USP46: variants seen among roughly 807,000 people sequenced by gnomAD.
USP46 encodes ubiquitin carboxyl-terminal hydrolase 46.
In USP46, 12 loss-of-function variants were observed where a neutral mutation model predicts 44.4. That is an observed-to-expected ratio of 0.27 (90% CI 0.17 to 0.44). The LOEUF (loss-of-function observed/expected upper bound fraction) is 0.44. Among genes scored for constraint, USP46 ranks in the 20% least tolerant of loss-of-function variants. The probability of loss-of-function intolerance (pLI) is 1.00; values close to 1 mark genes in which losing one functional copy is unlikely to be tolerated. For missense variants in USP46, 248 were observed against 444.8 expected (o/e 0.56, Z 3.98); for synonymous variants, 155 against 161.5 (o/e 0.96, Z 0.31).
intron 1 of USP46, among the ~76,000 whole-genome samples, chr4:52,633,341 T>C (rs186623288): frequency 5.3e-5 from 8 of 152,338 alleles, no homozygotes; most frequent in Admixed American, 1.3e-4. Flanking sequence ...AGTTCAAGGA[T>C]CATTTGCATC....
At chr4:52,597,769 C>T in intron 8 of USP46, 28 bp from the exon 9 acceptor site, 1 of 1,463,404 alleles carries the variant, frequency 6.8e-7, no homozygotes, top group Non-Finnish European at 9.3e-7. Flanking sequence ...GAAAACAACA[C>T]AATTACTTAA....
chr4:52,624,772 A>T (rs1426272133), intron 4 of USP46, among the ~76,000 whole-genome samples: 2 of 152,100 alleles, frequency 1.3e-5, no homozygotes, highest in Non-Finnish European at 2.9e-5. Context: ...TCATGATAAG[A>T]TTTGTACCCT....
chr4:52,632,966 AAG>A (rs1385576101), intron 1 of USP46, among the ~76,000 whole-genome samples: 10 of 81,674 alleles, frequency 1.2e-4, no homozygotes, highest in Admixed American at 5.9e-4. Context: ...GAAAGAAAGA[AAG>A]AAAGAAAGAA....
At chr4:52,629,795 T>C in intron 2 of USP46, 1 of 450,944 alleles carries the variant, frequency 2.2e-6, no homozygotes, top group African/African-American at 2.0e-5. Flanking sequence ...ACCCAAAGGG[T>C]AGAAGCCATT....
intron 1 of USP46, chr4:52,658,154 C>T (rs1257090648): frequency 2.2e-6 from 1 of 453,642 alleles, no homozygotes. Context: ...AGAATGTAGG[C>T]AAAACACACA....
intron 2 of USP46, among the ~76,000 whole-genome samples, chr4:52,629,914 G>A (rs1267619880): frequency 6.6e-6 from 1 of 152,154 alleles, no homozygotes; most frequent in Non-Finnish European, 1.5e-5. Flanking sequence ...ACCGAGGTCT[G>A]TATTACATTA....
At chr4:52,658,538 G>A (rs1433970100) in intron 1 of USP46, among the ~76,000 whole-genome samples, 6 of 152,314 alleles carry the variant, frequency 3.9e-5, no homozygotes, top group Admixed American at 3.9e-4. Flanking sequence ...TGAGGCATGC[G>A]GAGCAAATTA....
chr4:52,597,884 G>C, intron 8 of USP46, 143 bp from the exon 9 acceptor site: 1 of 650,766 alleles, frequency 1.5e-6, no homozygotes, highest in Non-Finnish European at 2.5e-6. Flanking sequence ...ATAGCAAATG[G>C]AGAATTCCAC....
intron 4 of USP46, among the ~76,000 whole-genome samples, chr4:52,612,271 T>C (rs73248666): frequency 0.072 from 11,029 of 152,256 alleles, 529 homozygotes; most frequent in Non-Finnish European, 0.11. Context: ...GGCATCTTTA[T>C]ACTTACACAC....
rs1436902775 is a variant in USP46 at position 52,630,959 on chromosome 4, A to G, written c.117+105T>C. On this transcript the variant is annotated intron_variant, in intron 2 of 8. Transcript: ENST00000441222. ...ATTGGCATTCTACTAACTACGGAGCATGACCAATCATTTAAAAATTGGTAG... is the reference window on the plus strand; with the variant it reads ...ATTGGCATTCTACTAACTACGGAGCGTGACCAATCATTTAAAAATTGGTAG... 6 of 934,456 alleles carry G rather than the reference A, an allele frequency of 6.4e-6. No homozygotes were observed. The East Asian group carries it at 1.6e-4, about 25-fold the overall frequency. 57.9% of individuals were successfully genotyped at this position (934,456 alleles called of 1,614,324 possible). A position where few individuals can be genotyped will look rare whatever the true frequency, so the allele number is the denominator to read the frequency against.
intron 2 of USP46, among the ~76,000 whole-genome samples, chr4:52,630,736 C>CAAAAAAAAAAAAAAAAA (rs10566870): frequency 1.1e-5 from 1 of 92,290 alleles, no homozygotes; most frequent in African/African-American, 4.1e-5. Flanking sequence ...GACTCTGTCT[C>CAAAAAAAAAAAAAAAAA]AAAAAAAAAA....
At chr4:52,626,331 AT>A (rs888916473) in intron 3 of USP46, 84 bp from the exon 4 acceptor site, 8,306 of 1,066,710 alleles carry the variant, frequency 7.8e-3, no homozygotes, top group Non-Finnish European at 8.5e-3. Context: ...ATACTTAAAT[AT>A]TTTTTTTTTG....
rs949868148 is a variant in USP46 at position 52,591,240 on chromosome 4, T to A, written c.*6400A>T. ...AGGTCCATTAAGAGAGACCGAAATATGAATATGGCTGCATTGGATTCCAGA... is the reference window on the plus strand; with the variant it reads ...AGGTCCATTAAGAGAGACCGAAATAAGAATATGGCTGCATTGGATTCCAGA... On this transcript the variant is annotated 3_prime_UTR_variant, in exon 9 of 9. Transcript: ENST00000441222. 2 of 152,200 alleles carry A rather than the reference T, an allele frequency of 1.3e-5. No individual in the cohort carries two copies. Among genetic ancestry groups the A allele is most frequent in the Admixed American group, 6.5e-5 (1 of 15,268 alleles). The allele number at this position is 152,200 out of a possible 1,614,324, so 9.4% of individuals were successfully genotyped here.
intron 1 of USP46, among the ~76,000 whole-genome samples, chr4:52,638,108 C>T (rs1338500392): frequency 6.6e-6 from 1 of 152,158 alleles, no homozygotes; most frequent in African/African-American, 2.4e-5. Context: ...AGGGACTTTG[C>T]AGATATGATT....
At chr4:52,656,359 T>C (rs920744095) in intron 1 of USP46, 43 of 1,408,702 alleles carry the variant, frequency 3.1e-5, no homozygotes, top group Non-Finnish European at 3.9e-5. Flanking sequence ...TTACGTCTGA[T>C]CCAGTGAAAA....
Position 52,604,538 on chromosome 4 carries a change from A to C in USP46, c.685T>G (p.Cys229Gly). The C allele has an allele frequency of 2.5e-6, 4 of 1,611,524 alleles. No homozygotes were observed. Among genetic ancestry groups the C allele is most frequent in the Non-Finnish European group, 3.4e-6 (4 of 1,179,104 alleles). The change falls in exon 6 of 9, where the codon TGT becomes GGT. Residue 229 changes from cysteine (C) to glycine (G), a missense_variant. Cys to Gly is a radical substitution (Grantham distance 159). Coordinates refer to ENST00000441222, the MANE Select transcript of USP46 (RefSeq NM_022832.4). ...ETLCSEQKYY[C>G]ETCCSKQEAQ... ...TCTTGTTTGCTGCAGCATGTTTCAC[A>C]ATAATATTTTTGTTCACTACACAGT...
chr4:52,641,214 C>A (rs988234473), intron 1 of USP46, among the ~76,000 whole-genome samples: 4 of 152,070 alleles, frequency 2.6e-5, no homozygotes, highest in Non-Finnish European at 5.9e-5. Flanking sequence ...GAACAAAGTA[C>A]CGATCTTGGG....
rs555186384 is a variant in USP46, at chr4:52,592,137, A to G, written c.*5503T>C. The G allele has an allele frequency of 2.0e-5, 3 of 152,232 alleles. No homozygotes were observed. Among genetic ancestry groups the G allele is most frequent in the African/African-American group, 7.2e-5 (3 of 41,530 alleles). 9.4% of individuals were successfully genotyped at this position (152,232 alleles called of 1,614,324 possible). A position where few individuals can be genotyped will look rare whatever the true frequency, so the allele number is the denominator to read the frequency against. ...AGTTTCCCCCACACGTGTTATTTCC[A>G]CAACTTAAATTTTAAATTTCTTTCT... On this transcript the variant is annotated 3_prime_UTR_variant, in exon 9 of 9. Transcript: ENST00000441222.
In USP46 at chr4:52,656,384, C is replaced by CA; in HGVS notation, c.36+2730dup. The CA allele has an allele frequency of 2.1e-6, 3 of 1,428,510 alleles. No homozygotes were observed. In the South Asian group the frequency reaches 3.7e-5, roughly 17 times the overall value. 88.5% of individuals were successfully genotyped at this position (1,428,510 alleles called of 1,614,324 possible). ...TCCAGTGAAAAGACAGCAGTTTCCT[C>CA]ATACCCAGCCTTCTCCTCTGGGAAG... On this transcript the variant is annotated intron_variant, in intron 1 of 8. Transcript: ENST00000441222.
Sources: gnomAD v4.1 joint callset for allele counts (sites outside exome capture counted in the v4.1 genomes callset) on GRCh38, gnomAD v4.1.1 for gene constraint, MANE v1.5 for transcripts, NCBI Gene and HGNC (gene_info 2026-07-23, HGNC 2026-07-21) for gene names.